Variants in DIAPH3 observed in about 807,000 individuals in gnomAD.
DIAPH3 encodes the protein diaphanous related formin 3, also known as protein diaphanous homolog 3.
DIAPH3 carries 117 observed loss-of-function variants against 144.3 expected under a neutral mutation model. The observed-to-expected ratio is 0.81, with a 90% CI of 0.70 to 0.95. The LOEUF (loss-of-function observed/expected upper bound fraction) is 0.95. DIAPH3 is among the 40% of genes least tolerant of loss of function. The probability of loss-of-function intolerance (pLI) is 0.00; values close to 1 mark genes in which losing one functional copy is unlikely to be tolerated. For synonymous variants in DIAPH3, 519 were observed against 488.9 expected, an observed-to-expected ratio of 1.06 and a Z score of -0.81; for missense variants, 1,421 against 1,412.7, an observed-to-expected ratio of 1.01 and a Z score of -0.09.
At chr13:59,672,597 T>C (rs1318726320) in intron 27 of DIAPH3, among the ~76,000 whole-genome samples, 1 of 152,212 alleles carries the variant, frequency 6.6e-6, no homozygotes, top group African/African-American at 2.4e-5. Flanking sequence ...GATAGTAAAG[T>C]GTGTGACAAA....
chr13:59,698,553 C>G (rs2033937736), intron 27 of DIAPH3, among the ~76,000 whole-genome samples: 1 of 152,124 alleles, frequency 6.6e-6, no homozygotes, highest in Non-Finnish European at 1.5e-5. Context: ...CTTAACTAAG[C>G]AAAAATCCCT....
chr13:59,870,710 G>A (rs1186575813), intron 21 of DIAPH3, among the ~76,000 whole-genome samples: 1 of 137,200 alleles, frequency 7.3e-6, no homozygotes, highest in Non-Finnish European at 1.6e-5. Context: ...CACTCTTGTT[G>A]CTTAGGCTAG....
chr13:59,733,562 A>G (rs1267029868), intron 27 of DIAPH3, among the ~76,000 whole-genome samples: 1 of 152,246 alleles, frequency 6.6e-6, no homozygotes. Context: ...TAAAATTTGA[A>G]GAATAATATC....
At position 59,900,427 on chromosome 13, in the gene DIAPH3, C is replaced by T. The variant is rs116773271; in HGVS notation, c.2367+11308G>A. ...TGATGAATTATATACCCTACAAATG[C>T]CAAATATCCCTCTCACCCCAACTCA... On this transcript the variant is annotated intron_variant, in intron 20 of 27. Transcript: ENST00000400324. Among the ~76,000 whole-genome samples the T allele has an allele frequency of 3.3e-3, 499 of 152,162 alleles. 2 individuals are homozygous for T. The highest frequency in any genetic ancestry group is 0.011 in the African/African-American group (459 of 41,488).
Position 60,015,988 on chromosome 13 carries a change from T to C in DIAPH3, c.702-6A>G, listed in dbSNP as rs766469957. On this transcript the variant is annotated splice_region_variant and splice_polypyrimidine_tract_variant and intron_variant, in intron 6 of 27. Transcript: ENST00000400324. Reference sequence around the variant, plus strand: ...TCTTTACAACTTTTTCTTGGCTGTATTGACATAAAAAATAGCAGTGTTGGA... The same window carrying C: ...TCTTTACAACTTTTTCTTGGCTGTACTGACATAAAAAATAGCAGTGTTGGA... 30 of 1,612,874 alleles carry C rather than the reference T, an allele frequency of 1.9e-5. No individual in the cohort carries two copies. The highest frequency in any genetic ancestry group is 2.3e-5 in the Non-Finnish European group (27 of 1,179,336).
At chr13:59,689,790 A>AGTGTGTGTGT (rs57544810) in intron 27 of DIAPH3, among the ~76,000 whole-genome samples, 2 of 149,870 alleles carry the variant, frequency 1.3e-5, no homozygotes, top group South Asian at 2.1e-4. Flanking sequence ...TGTATTAAGC[A>AGTGTGTGTGT]GTGTGTGTGT....
At chr13:59,719,607 T>A (rs1943044609) in intron 27 of DIAPH3, among the ~76,000 whole-genome samples, 1 of 152,056 alleles carries the variant, frequency 6.6e-6, no homozygotes, top group Admixed American at 6.5e-5. Flanking sequence ...AGATATTCCT[T>A]CATGTGAAGT....
At chr13:59,902,809 A>G (rs4886197) in intron 20 of DIAPH3, among the ~76,000 whole-genome samples, 3 of 152,188 alleles carry the variant, frequency 2.0e-5, no homozygotes, top group African/African-American at 7.2e-5. Flanking sequence ...GACAAGAAAA[A>G]CAATGACTGA....
chr13:59,991,079 A>G (rs747148440), intron 12 of DIAPH3, 79 bp downstream of exon 12: 10 of 907,746 alleles, frequency 1.1e-5, no homozygotes, highest in Non-Finnish European at 1.7e-5. Context: ...TTGCTTGTCA[A>G]AGGCAAATAT....
At chr13:59,766,907 C>T (rs2037888933) in intron 27 of DIAPH3, among the ~76,000 whole-genome samples, 2 of 152,154 alleles carry the variant, frequency 1.3e-5, no homozygotes, top group African/African-American at 4.8e-5. Context: ...TACCCGAGTC[C>T]TTCAGTCCAA....
chr13:59,694,626 T>C (rs189023129), intron 27 of DIAPH3, among the ~76,000 whole-genome samples: 1 of 152,252 alleles, frequency 6.6e-6, no homozygotes, highest in African/African-American at 2.4e-5. Context: ...CTTAATAAAG[T>C]AAATTAGCCT....
chr13:60,029,463 T>C (rs1451576569), intron 5 of DIAPH3, among the ~76,000 whole-genome samples: 1 of 152,156 alleles, frequency 6.6e-6, no homozygotes, highest in Non-Finnish European at 1.5e-5. Context: ...TCCCCACATG[T>C]CAAGGGCAGT....
rs35387511 is a variant in DIAPH3, at chr13:59,762,052, C to CTTTTTTTTTTTTTTT, written c.3319+12122_3319+12136dup. On this transcript the variant is annotated intron_variant, in intron 27 of 27. Transcript: ENST00000400324. ...GCACCCAAGATGAAAGCGTCAGCAT[C>CTTTTTTTTTTTTTTT]TTTTTTTTTTTTTTTTTTTTTTTTT... 1.8e-4 allele frequency among the ~76,000 whole-genome samples: 11 copies of CTTTTTTTTTTTTTTT among 59,520 alleles called. 1 individual carries two copies. Among genetic ancestry groups the CTTTTTTTTTTTTTTT allele is most frequent in the Non-Finnish European group, 2.4e-4 (8 of 33,906 alleles). 39.0% of individuals were successfully genotyped at this position (59,520 alleles called of 152,430 possible). A position where few individuals can be genotyped will look rare whatever the true frequency, so the allele number is the denominator to read the frequency against.
chr13:59,871,762 A>C (rs2044293917), intron 21 of DIAPH3, among the ~76,000 whole-genome samples: 1 of 152,164 alleles, frequency 6.6e-6, no homozygotes, highest in Non-Finnish European at 1.5e-5. Context: ...AAGGTTATTC[A>C]TTATTGATTC....
chr13:60,019,746 T>G (rs1232202363), intron 5 of DIAPH3, among the ~76,000 whole-genome samples: 1 of 152,020 alleles, frequency 6.6e-6, no homozygotes, highest in Admixed American at 6.6e-5. Context: ...AAACTGAAAG[T>G]GTGTAAAGTG....
At chr13:59,889,793 G>C (rs1453071246) in intron 20 of DIAPH3, among the ~76,000 whole-genome samples, 1 of 151,998 alleles carries the variant, frequency 6.6e-6, no homozygotes, top group Non-Finnish European at 1.5e-5. Flanking sequence ...AAGTTGTATA[G>C]TTCACTATAA....
intron 5 of DIAPH3, among the ~76,000 whole-genome samples, chr13:60,023,035 T>C (rs945006637): frequency 6.6e-6 from 1 of 152,210 alleles, no homozygotes; most frequent in Admixed American, 6.5e-5. Context: ...CTGGTTTTGC[T>C]ATCAGGTAAT....
intron 27 of DIAPH3, among the ~76,000 whole-genome samples, chr13:59,742,065 G>C (rs1212995297): frequency 4.6e-5 from 7 of 152,098 alleles, no homozygotes. Flanking sequence ...TTCTTACATG[G>C]AAGTCAGCAA....
chr13:59,901,166 T>C (rs1328282895), intron 20 of DIAPH3, among the ~76,000 whole-genome samples: 2 of 152,220 alleles, frequency 1.3e-5, no homozygotes, highest in Non-Finnish European at 2.9e-5. Context: ...ATAACACTTC[T>C]ATGGCATCAG....
Sources: allele counts gnomAD v4.1 joint callset (sites outside exome capture counted in the v4.1 genomes callset), GRCh38; gene constraint gnomAD v4.1.1; transcripts MANE v1.5; gene names NCBI Gene and HGNC (gene_info 2026-07-23, HGNC 2026-07-21).